Variants in XPR1 observed in about 807,000 individuals in gnomAD.
XPR1 encodes solute carrier family 53 member 1.
In XPR1, 28 loss-of-function variants were observed where a neutral mutation model predicts 87.5. The observed-to-expected ratio is 0.32, with a 90% confidence interval of 0.24 to 0.44. The LOEUF is 0.44. XPR1 is among the 20% of genes least tolerant of loss of function. The probability of loss-of-function intolerance (pLI) is 1.00; values close to 1 mark genes in which losing one functional copy is unlikely to be tolerated. For synonymous variants in XPR1, 300 were observed against 306.1 expected (o/e 0.98, Z 0.21); for missense variants, 559 against 862.3 (o/e 0.65, Z 4.41).
At chr1:180,761,835 G>A (rs543510975) in intron 2 of XPR1, among the ~76,000 whole-genome samples, 201 of 152,102 alleles carry the variant, frequency 1.3e-3, no homozygotes, top group African/African-American at 4.4e-3. Context: ...TGTTTATAGC[G>A]GCACTATTCA....
At chr1:180,743,035 G>T (rs879377374) in intron 2 of XPR1, among the ~76,000 whole-genome samples, 1 of 151,882 alleles carries the variant, frequency 6.6e-6, no homozygotes, top group Non-Finnish European at 1.5e-5. Flanking sequence ...TGAGTTTCTT[G>T]CAGGCAACAT....
chr1:180,667,888 C>G (rs1656015780), intron 1 of XPR1, among the ~76,000 whole-genome samples: 1 of 150,612 alleles, frequency 6.6e-6, no homozygotes, highest in African/African-American at 2.5e-5. Context: ...GTTCACAGTA[C>G]TCTTTTATAA....
intron 11 of XPR1, among the ~76,000 whole-genome samples, chr1:180,840,572 A>G (rs78366182): frequency 0.41 from 51,283 of 126,410 alleles, 10,369 homozygotes; most frequent in Non-Finnish European, 0.45. Flanking sequence ...GTGTGTATAT[A>G]TATATATATA....
Position 180,831,446 on chromosome 1 carries a change from T to C in XPR1, c.1135-3428T>C, listed in dbSNP as rs569098508. On this transcript the variant is annotated intron_variant, in intron 9 of 14. Transcript: ENST00000367590. ...AGTTCTGGGGTACATGTGCAGAACA[T>C]GCAGGTTTGTTACATAGGTATACAT... is the stretch of plus-strand genomic sequence containing the variant. 2.7e-5 allele frequency among the ~76,000 whole-genome samples: 4 copies of C among 149,486 alleles called. No homozygotes were observed. In the Admixed American group the frequency reaches 2.7e-4, roughly 10 times the overall value.
chr1:180,854,715 T>G (rs1029055942), intron 11 of XPR1, among the ~76,000 whole-genome samples: 13 of 152,222 alleles, frequency 8.5e-5, no homozygotes, highest in Non-Finnish European at 7.3e-5. Context: ...GGGACTGGTT[T>G]CTGTTTAATT....
At chr1:180,843,227 A>G (rs909713668) in intron 11 of XPR1, among the ~76,000 whole-genome samples, 2 of 152,304 alleles carry the variant, frequency 1.3e-5, no homozygotes, top group East Asian at 1.9e-4. Context: ...TTCTTATGCT[A>G]TAATAGAAAC....
chr1:180,661,731 T>C (rs1471285213), intron 1 of XPR1, among the ~76,000 whole-genome samples: 1 of 151,960 alleles, frequency 6.6e-6, no homozygotes, highest in Non-Finnish European at 1.5e-5. Context: ...AAAAATTAGC[T>C]GGGCATGGTG....
At chr1:180,881,609 T>A (rs1652855014) in intron 14 of XPR1, among the ~76,000 whole-genome samples, 1 of 152,182 alleles carries the variant, frequency 6.6e-6, no homozygotes, top group African/African-American at 2.4e-5. Flanking sequence ...TACTTCAATG[T>A]ATGGGGCAGT....
intron 1 of XPR1, among the ~76,000 whole-genome samples, chr1:180,660,438 A>G (rs946755111): frequency 2.0e-5 from 3 of 151,914 alleles, no homozygotes; most frequent in Non-Finnish European, 4.4e-5. Flanking sequence ...AGATGCATCA[A>G]TAGGTTATTT....
intron 2 of XPR1, among the ~76,000 whole-genome samples, chr1:180,719,036 G>A (rs541817654): frequency 7.2e-5 from 11 of 152,278 alleles, no homozygotes; most frequent in African/African-American, 2.4e-4. Flanking sequence ...AGATTATAAT[G>A]TATTTTCCAA....
intron 2 of XPR1, among the ~76,000 whole-genome samples, chr1:180,762,298 A>G (rs940221216): frequency 1.3e-5 from 2 of 152,144 alleles, no homozygotes; most frequent in Admixed American, 6.6e-5. Context: ...AAAGGTAAAG[A>G]TGGCAAATTA....
chr1:180,865,456 A>C (rs939873242), intron 12 of XPR1, among the ~76,000 whole-genome samples: 1 of 149,524 alleles, frequency 6.7e-6, no homozygotes, highest in Admixed American at 6.7e-5. Flanking sequence ...GCTAGAGTGC[A>C]GTGGCACGAT....
chr1:180,693,741 TTGTC>T lies in XPR1; in HGVS notation c.121+11335_121+11338del, dbSNP rs760566766. On this transcript the variant is annotated intron_variant, in intron 2 of 14. Transcript: ENST00000367590. ...AATCCGTGCCTCTTTACCTTGTCCT[TTGTC>T]TGTCCTCTGGGTATCTAAGGACATT... 1.2e-4 allele frequency among the ~76,000 whole-genome samples: 18 copies of T among 152,304 alleles called. No individual in the cohort carries two copies. The East Asian group carries it at 1.5e-3, about 13-fold the overall frequency.
chr1:180,750,304 C>T (rs1183783867), intron 2 of XPR1, among the ~76,000 whole-genome samples: 2 of 152,034 alleles, frequency 1.3e-5, no homozygotes, highest in Non-Finnish European at 2.9e-5. Flanking sequence ...TTTTTTCCAG[C>T]TCCCAAAGGG....
chr1:180,848,903 T>C (rs950822122), intron 11 of XPR1, among the ~76,000 whole-genome samples: 5 of 152,198 alleles, frequency 3.3e-5, no homozygotes, highest in African/African-American at 1.2e-4. Context: ...TTAGGAATCC[T>C]TAAAAATTAA....
At chr1:180,851,958 A>G (rs889584069) in intron 11 of XPR1, among the ~76,000 whole-genome samples, 10 of 151,666 alleles carry the variant, frequency 6.6e-5, no homozygotes, top group African/African-American at 1.9e-4. Context: ...TTATTCAACA[A>G]ACATTTACAA....
intron 3 of XPR1, among the ~76,000 whole-genome samples, chr1:180,801,850 G>A (rs963513966): frequency 4.1e-5 from 6 of 147,876 alleles, no homozygotes; most frequent in East Asian, 2.0e-4. Flanking sequence ...GCACAATCTC[G>A]GCTCACTGCA....
chr1:180,649,673 G>C (rs1028284831), intron 1 of XPR1, among the ~76,000 whole-genome samples: 1 of 152,170 alleles, frequency 6.6e-6, no homozygotes, highest in African/African-American at 2.4e-5. Flanking sequence ...TTAGATGGAG[G>C]AAGTGGGCTA....
At chr1:180,770,396 G>T (rs1648467308) in intron 2 of XPR1, among the ~76,000 whole-genome samples, 2 of 152,098 alleles carry the variant, frequency 1.3e-5, no homozygotes, top group African/African-American at 2.4e-5. Context: ...TGCATGTGGA[G>T]AGAGATCTCA....
Sources: gnomAD v4.1 joint callset for allele counts (sites outside exome capture counted in the v4.1 genomes callset) on GRCh38, gnomAD v4.1.1 for gene constraint, MANE v1.5 for transcripts, NCBI Gene and HGNC (gene_info 2026-07-23, HGNC 2026-07-21) for gene names.